The following MC2R variants were observed in gnomAD, a reference collection of about 807,000 sequenced individuals.
MC2R encodes melanocortin 2 receptor.
MC2R carries 9 observed loss-of-function variants against 9.8 expected under a neutral mutation model. The observed-to-expected ratio is 0.92, with a 90% CI of 0.55 to 1.60. The LOEUF is 1.60. MC2R is among the 40% of genes most tolerant of loss of function. The pLI, the probability that MC2R is intolerant of heterozygous loss-of-function variation, is 0.00. For missense variants in MC2R, 370 were observed against 389.0 expected (o/e 0.95, Z 0.41); for synonymous variants, 185 against 154.7 (o/e 1.20, Z -1.45).
chr18:13,902,476 A>G (rs2045386124), intron 1 of MC2R, among the ~76,000 whole-genome samples: 1 of 152,172 alleles, frequency 6.6e-6, no homozygotes, highest in Non-Finnish European at 1.5e-5. Flanking sequence ...CAGGCATGGT[A>G]CTGGTATAAA....
chr18:13,885,483 G>A lies in MC2R; in HGVS notation c.36C>T (p.Asn12=). The A allele has an allele frequency of 6.2e-7, 1 of 1,614,160 alleles. No homozygotes were observed. Among genetic ancestry groups the A allele is most frequent in the Non-Finnish European group, 8.5e-7 (1 of 1,180,040 alleles). Residue 12 remains asparagine, a synonymous_variant, in exon 2 of 2, where the codon AAC becomes AAT. Transcript: ENST00000327606. ...KHIINSYENI[N]NTARNNSDCP... ...AGTCGGAATTATTTCTTGCTGTGTTGTTGATGTTTTCATACGAGTTGATAA... is the reference window on the plus strand; with the variant it reads ...AGTCGGAATTATTTCTTGCTGTGTTATTGATGTTTTCATACGAGTTGATAA...
At chr18:13,900,683 A>G (rs60517251) in intron 1 of MC2R, among the ~76,000 whole-genome samples, 3,825 of 152,276 alleles carry the variant, frequency 0.025, 125 homozygotes, top group African/African-American at 0.088. Context: ...AAAGGTGTCA[A>G]TTTAGCAAGA....
chr18:13,905,410 C>T lies in MC2R; in HGVS notation c.-129+10078G>A, dbSNP rs575702695. On this transcript the variant is annotated intron_variant, in intron 1 of 1. Coordinates refer to ENST00000327606, the MANE Select transcript of MC2R (RefSeq NM_000529.2). ...CTGAGGCAGAAGAATCGCTTGAATC[C>T]GGGAGGCAGAGGTTGCACTGAGCCG... 2.6e-4 allele frequency among the ~76,000 whole-genome samples: 39 copies of T among 151,896 alleles called. No individual in the cohort carries two copies. In the South Asian group the frequency reaches 5.6e-3, roughly 22 times the overall value.
chr18:13,885,239 G>T lies in MC2R; in HGVS notation c.280C>A (p.Pro94Thr). The T allele has an allele frequency of 6.2e-7, 1 of 1,614,130 alleles. No individual in the cohort carries two copies. The highest frequency in any genetic ancestry group is 8.5e-7 in the Non-Finnish European group (1 of 1,180,028). ...IILRNMGYLK[P>T]RGSFETTADD... ...GCTGTGGTTTCAAAACTGCCACGTG[G>T]CTTGAGATAGCCCATGTTTCTCAAT... Residue 94 changes from proline to threonine, a missense_variant, in exon 2 of 2, where the codon CCA becomes ACA. Physicochemically the swap from Pro to Thr is conservative, Grantham distance 38. Transcript: ENST00000327606.
chr18:13,888,407 A>G (rs1321545140), intron 1 of MC2R, among the ~76,000 whole-genome samples: 3 of 152,192 alleles, frequency 2.0e-5, no homozygotes, highest in African/African-American at 7.2e-5. Context: ...GGTGGCCTTT[A>G]TGAGTGCTCA....
chr18:13,913,764 C>G (rs948819957), intron 1 of MC2R, among the ~76,000 whole-genome samples: 1 of 152,166 alleles, frequency 6.6e-6, no homozygotes, highest in Admixed American at 6.5e-5. Flanking sequence ...CCCCGCATCC[C>G]AAGGGAGCCC....
In MC2R at chr18:13,896,763, C is replaced by T. The variant is rs141344714; in HGVS notation, c.-128-11117G>A. Among the ~76,000 whole-genome samples the T allele has an allele frequency of 6.0e-3, 913 of 152,248 alleles. 5 individuals are homozygous for T. The highest frequency in any genetic ancestry group is 9.2e-3 in the Admixed American group (141 of 15,292). ...GACTCAGTGGCCTTGAACAAATAAT[C>T]AATGATGTTTACAAAGATGCATATA... is the stretch of plus-strand genomic sequence containing the variant. On this transcript the variant is annotated intron_variant, in intron 1 of 1. Transcript: ENST00000327606.
At chr18:13,886,051 G>A (rs1201490825) in intron 1 of MC2R, among the ~76,000 whole-genome samples, 4 of 151,814 alleles carry the variant, frequency 2.6e-5, no homozygotes, top group African/African-American at 9.7e-5. Context: ...TATAGAGTGT[G>A]GAATGGACAT....
chr18:13,892,379 A>C (rs1415631657), intron 1 of MC2R, among the ~76,000 whole-genome samples: 1 of 152,172 alleles, frequency 6.6e-6, no homozygotes, highest in East Asian at 1.9e-4. Flanking sequence ...GTGAGCCCTC[A>C]ATAAGCCTGT....
At chr18:13,902,538 G>A (rs1330359648) in intron 1 of MC2R, among the ~76,000 whole-genome samples, 2 of 151,946 alleles carry the variant, frequency 1.3e-5, no homozygotes, top group Non-Finnish European at 1.5e-5. Context: ...AACAGATCCG[G>A]ACACCTATGG....
intron 1 of MC2R, among the ~76,000 whole-genome samples, chr18:13,901,159 G>T (rs377729853): frequency 2.5e-4 from 38 of 151,980 alleles, no homozygotes; most frequent in African/African-American, 9.1e-4. Flanking sequence ...AGTGAATGAA[G>T]AAATTAAATA....
intron 1 of MC2R, among the ~76,000 whole-genome samples, chr18:13,906,582 A>T (rs2045415884): frequency 6.6e-6 from 1 of 152,126 alleles, no homozygotes; most frequent in South Asian, 2.1e-4. Context: ...AAAAGAAAAG[A>T]AGAAGTCAAA....
chr18:13,899,462 T>G (rs144863350), intron 1 of MC2R, among the ~76,000 whole-genome samples: 41 of 152,200 alleles, frequency 2.7e-4, no homozygotes, highest in African/African-American at 8.9e-4. Context: ...GAAGGGATAA[T>G]AACAGAGAAC....
chr18:13,885,784 T>C, intron 1 of MC2R, 138 bp from the exon 2 acceptor site: 1 of 470,716 alleles, frequency 2.1e-6, no homozygotes, highest in Non-Finnish European at 3.8e-6. Context: ...CACATGTATG[T>C]TTATTGCAGC....
At chr18:13,912,365 T>G (rs1204460575) in intron 1 of MC2R, among the ~76,000 whole-genome samples, 1 of 152,152 alleles carries the variant, frequency 6.6e-6, no homozygotes, top group African/African-American at 2.4e-5. Flanking sequence ...CAGCTGCGAA[T>G]CTGCCTCATT....
chr18:13,913,182 C>CTGGA (rs60123111), intron 1 of MC2R, among the ~76,000 whole-genome samples: 79,307 of 151,602 alleles, frequency 0.52, 21,903 homozygotes, highest in African/African-American at 0.71. Context: ...GAAGCCCAGG[C>CTGGA]TGGAGTGTTC....
chr18:13,885,778 T>C (rs2045272662), intron 1 of MC2R, 132 bp from the exon 2 acceptor site: 1 of 476,834 alleles, frequency 2.1e-6, no homozygotes, highest in Non-Finnish European at 3.8e-6. Context: ...AGCCTGCACA[T>C]GTATGTTTAT....
chr18:13,892,787 GAGAT>G (rs2045323177), intron 1 of MC2R, among the ~76,000 whole-genome samples: 1 of 146,586 alleles, frequency 6.8e-6, no homozygotes, highest in Admixed American at 7.1e-5. Context: ...AATAGAGATG[GAGAT>G]AGACATAATC....
rs28926768 is a variant in MC2R, at chr18:13,886,212, C to T, written c.-128-566G>A. ...CAAAATGGCACTTTTGTACCCCTTACATTTATAAAAATATATATAAAGTGT... is the reference window on the plus strand; with the variant it reads ...CAAAATGGCACTTTTGTACCCCTTATATTTATAAAAATATATATAAAGTGT... On this transcript the variant is annotated intron_variant, in intron 1 of 1. Transcript: ENST00000327606. 6.0e-3 allele frequency among the ~76,000 whole-genome samples: 917 copies of T among 152,316 alleles called. 5 individuals are homozygous for T. Among genetic ancestry groups the T allele is most frequent in the Admixed American group, 9.2e-3 (141 of 15,298 alleles).
Sources: gnomAD v4.1 joint callset for allele counts (sites outside exome capture counted in the v4.1 genomes callset) on GRCh38, gnomAD v4.1.1 for gene constraint, MANE v1.5 for transcripts, NCBI Gene and HGNC (gene_info 2026-07-23, HGNC 2026-07-21) for gene names.